The following PLEKHM3 variants were observed in gnomAD, a reference collection of about 807,000 sequenced individuals.
PLEKHM3 encodes the protein pleckstrin homology domain-containing family M member 3.
Under a neutral mutation model 81.8 loss-of-function variants are expected in PLEKHM3, and 45 were observed. The ratio of observed to expected loss-of-function variants is 0.55; its 90% confidence interval spans 0.43 to 0.71. The LOEUF is 0.71. Ranked by LOEUF, PLEKHM3 falls within the 30% of genes least tolerant of loss-of-function variation. The pLI, the probability that PLEKHM3 is intolerant of heterozygous loss-of-function variation, is 0.00. For missense variants in PLEKHM3, 788 were observed against 924.3 expected (o/e 0.85, Z 1.91); for synonymous variants, 352 against 356.4 (o/e 0.99, Z 0.14).
At chr2:208,019,473 A>G (rs906801004) in intron 1 of PLEKHM3, among the ~76,000 whole-genome samples, 2 of 152,168 alleles carry the variant, frequency 1.3e-5, no homozygotes, top group Admixed American at 1.3e-4. Context: ...TCAGCTGTCC[A>G]GTCCTTGACG....
intron 6 of PLEKHM3, among the ~76,000 whole-genome samples, chr2:207,869,647 C>T (rs1372319896): frequency 2.0e-5 from 3 of 152,164 alleles, no homozygotes. Context: ...CAAAATGTAG[C>T]ATCAAGCTTG....
intron 3 of PLEKHM3, among the ~76,000 whole-genome samples, chr2:207,974,105 C>A (rs1473764674): frequency 6.6e-6 from 1 of 152,148 alleles, no homozygotes; most frequent in East Asian, 1.9e-4. Flanking sequence ...ATTTCGTGAG[C>A]ACAAAATTTA....
chr2:207,968,321 A>C (rs1690991857), intron 3 of PLEKHM3, among the ~76,000 whole-genome samples: 1 of 152,094 alleles, frequency 6.6e-6, no homozygotes, highest in South Asian at 2.1e-4. Context: ...ATGGTAGCAA[A>C]AGCCAAGGAG....
chr2:207,890,730 C>CT (rs1688036228), intron 6 of PLEKHM3, among the ~76,000 whole-genome samples: 1 of 152,212 alleles, frequency 6.6e-6, no homozygotes, highest in African/African-American at 2.4e-5. Context: ...CTACCAAACT[C>CT]TGAGTTTGAA....
intron 6 of PLEKHM3, among the ~76,000 whole-genome samples, chr2:207,889,242 T>C (rs1687974269): frequency 6.6e-6 from 1 of 152,132 alleles, no homozygotes; most frequent in Non-Finnish European, 1.5e-5. Context: ...GGCCCTGCTA[T>C]GGTGGGGCCG....
intron 2 of PLEKHM3, among the ~76,000 whole-genome samples, chr2:207,983,622 G>T (rs1442186826): frequency 2.6e-5 from 4 of 151,314 alleles, no homozygotes; most frequent in Non-Finnish European, 5.9e-5. Context: ...TTTCTCCATT[G>T]CTTTCTACTG....
intron 1 of PLEKHM3, among the ~76,000 whole-genome samples, chr2:208,019,098 A>T (rs1048113286): frequency 2.0e-5 from 3 of 151,898 alleles, no homozygotes; most frequent in Non-Finnish European, 4.4e-5. Context: ...CTAGGGGTTC[A>T]AGACCATCCT....
chr2:207,932,685 G>A (rs1278395395), intron 4 of PLEKHM3, among the ~76,000 whole-genome samples: 1 of 152,168 alleles, frequency 6.6e-6, no homozygotes, highest in African/African-American at 2.4e-5. Context: ...AGGTATGGAT[G>A]GGGCCCACTG....
chr2:207,835,089 C>A (rs1436924775), intron 7 of PLEKHM3, among the ~76,000 whole-genome samples: 1 of 151,854 alleles, frequency 6.6e-6, no homozygotes, highest in Non-Finnish European at 1.5e-5. Context: ...TACAGGCACC[C>A]GTCACCATGC....
chr2:207,910,874 C>A (rs1290513686), intron 5 of PLEKHM3, among the ~76,000 whole-genome samples: 4 of 151,848 alleles, frequency 2.6e-5, no homozygotes, highest in Non-Finnish European at 4.4e-5. Flanking sequence ...TGGGTAGATA[C>A]CAGAGACTTT....
At chr2:207,858,136 A>ATGTGTG (rs141449083) in intron 7 of PLEKHM3, among the ~76,000 whole-genome samples, 1,353 of 126,904 alleles carry the variant, frequency 0.011, 15 homozygotes, top group African/African-American at 0.021. Context: ...TCATATAGAT[A>ATGTGTG]TGTGTGTGTG....
At chr2:207,944,383 G>A (rs75855447) in intron 4 of PLEKHM3, among the ~76,000 whole-genome samples, 1,989 of 152,292 alleles carry the variant, frequency 0.013, 51 homozygotes, top group African/African-American at 0.046. Context: ...TGATGGAGAC[G>A]AGAGGAGAAG....
intron 6 of PLEKHM3, among the ~76,000 whole-genome samples, chr2:207,875,472 C>T (rs11888254): frequency 6.6e-6 from 1 of 152,168 alleles, no homozygotes; most frequent in Non-Finnish European, 1.5e-5. Context: ...TTGGTTCTAC[C>T]TTTTCAGAAG....
At chr2:207,981,017 A>C (rs1249977179) in intron 2 of PLEKHM3, among the ~76,000 whole-genome samples, 1 of 151,520 alleles carries the variant, frequency 6.6e-6, no homozygotes, top group Non-Finnish European at 1.5e-5. Context: ...AATCCCAGCT[A>C]CTCGGGAGGC....
intron 2 of PLEKHM3, among the ~76,000 whole-genome samples, chr2:207,999,068 C>T (rs1024607640): frequency 3.9e-5 from 6 of 151,906 alleles, no homozygotes; most frequent in South Asian, 2.1e-4. Flanking sequence ...CTGCAATCTC[C>T]GCCTCCCAGG....
Position 208,016,648 on chromosome 2 carries a change from T to C in PLEKHM3, c.-319+8741A>G, listed in dbSNP as rs1692924795. On this transcript the variant is annotated intron_variant, in intron 1 of 7. Coordinates refer to ENST00000427836, the MANE Select transcript of PLEKHM3 (RefSeq NM_001080475.3). ...CTGGGTGACAGAGTGAGACTTTGTC[T>C]CAAAAAAAAAAAAAAAAAAAATACA... Among the ~76,000 whole-genome samples, 9 of 21,830 alleles carry C rather than the reference T, an allele frequency of 4.1e-4. No homozygotes were observed. In the South Asian group the frequency reaches 6.2e-3, roughly 15 times the overall value. The allele number at this position is 21,830 out of a possible 152,430, so 14.3% of individuals were successfully genotyped here. A position where few individuals can be genotyped will look rare whatever the true frequency, so the allele number is the denominator to read the frequency against.
At chr2:207,842,729 T>C (rs1234694469) in intron 7 of PLEKHM3, among the ~76,000 whole-genome samples, 1 of 152,198 alleles carries the variant, frequency 6.6e-6, no homozygotes, top group African/African-American at 2.4e-5. Context: ...ATAATAAGAA[T>C]AGTTCTGCTG....
chr2:207,966,543 T>C (rs1344637986), intron 3 of PLEKHM3, among the ~76,000 whole-genome samples: 3 of 152,062 alleles, frequency 2.0e-5, no homozygotes, highest in Admixed American at 1.3e-4. Context: ...CATCAATAGA[T>C]GTGGATGAGT....
chr2:208,016,820 T>C (rs2106123590), intron 1 of PLEKHM3, among the ~76,000 whole-genome samples: 1 of 152,244 alleles, frequency 6.6e-6, no homozygotes, highest in Non-Finnish European at 1.5e-5. Flanking sequence ...ATTTTCTATG[T>C]ATCATTATGA....
Sources: allele counts gnomAD v4.1 joint callset (sites outside exome capture counted in the v4.1 genomes callset), GRCh38; gene constraint gnomAD v4.1.1; transcripts MANE v1.5; gene names NCBI Gene and HGNC (gene_info 2026-07-23, HGNC 2026-07-21).